The following ARHGEF26 variants were observed in gnomAD, a reference collection of about 807,000 sequenced individuals.
The protein encoded by ARHGEF26 is Rho guanine nucleotide exchange factor 26, also known as Rho guanine nucleotide exchange factor (GEF) 26.
Under a neutral mutation model 89.4 loss-of-function variants are expected in ARHGEF26, and 59 were observed. The observed-to-expected ratio is 0.66, with a 90% CI of 0.54 to 0.82. The LOEUF (loss-of-function observed/expected upper bound fraction) is 0.82. Among genes scored for constraint, ARHGEF26 ranks in the 40% least tolerant of loss-of-function variants. The pLI is 0.00. For missense variants in ARHGEF26, 1,234 were observed against 1,085.6 expected (o/e 1.14, Z -1.92); for synonymous variants, 500 against 428.4 (o/e 1.17, Z -2.06).
chr3:154,243,365 C>T (rs1268208680), intron 12 of ARHGEF26, among the ~76,000 whole-genome samples: 1 of 152,184 alleles, frequency 6.6e-6, no homozygotes, highest in Non-Finnish European at 1.5e-5. Context: ...GCCTTGCCAA[C>T]ATCTCAACAG....
chr3:154,204,015 A>G (rs936788005), intron 9 of ARHGEF26, among the ~76,000 whole-genome samples: 7 of 152,072 alleles, frequency 4.6e-5, no homozygotes, highest in African/African-American at 1.4e-4. Context: ...GCCTTGTAGA[A>G]TTAGTTTGGA....
chr3:154,155,503 CTGAAAAAG>C (rs1425730579), intron 6 of ARHGEF26, among the ~76,000 whole-genome samples: 1 of 151,816 alleles, frequency 6.6e-6, no homozygotes, highest in African/African-American at 2.4e-5. Flanking sequence ...GGCATCTTAT[CTGAAAAAG>C]TTAATACAAG....
chr3:154,122,171 T>C lies in ARHGEF26; in HGVS notation c.179T>C (p.Leu60Pro), dbSNP rs12497267. Residue 60 changes from leucine to proline, a missense_variant, in exon 2 of 15, where the codon CTC becomes CCC. Leu to Pro is a moderately conservative substitution (Grantham distance 98, BLOSUM62 -3). Coordinates refer to ENST00000465093, the MANE Select transcript of ARHGEF26 (RefSeq NM_015595.4). ...DFPVEDGGTLLAAQIPAQVPT... is the reference protein window; with the variant it reads ...DFPVEDGGTLPAAQIPAQVPT... ...CCGGTGGAGGACGGAGGGACGCTCC[T>C]CGCAGCGCAGATTCCCGCCCAGGTG... 0.88 allele frequency: 1,406,583 copies of C among 1,597,818 alleles called. 620,843 individuals are homozygous for C. Among genetic ancestry groups the C allele is most frequent in the East Asian group, 1 (43,783 of 43,808 alleles).
rs367608699 is a variant in ARHGEF26, at chr3:154,196,505, C to T, written c.1845+1787C>T. Among the ~76,000 whole-genome samples the T allele has an allele frequency of 1.1e-4, 16 of 152,208 alleles. 2 individuals are homozygous for T. Among genetic ancestry groups the T allele is most frequent in the Admixed American group, 2.0e-4 (3 of 15,294 alleles). ...ACTGTTTCTTTTAGTCAATTTACAT[C>T]GAGTCACCATTTTACTTACCCTCTT... On this transcript the variant is annotated intron_variant, in intron 9 of 14. Transcript: ENST00000465093.
Position 154,129,561 on chromosome 3 carries a change from T to C in ARHGEF26, c.1124-13T>C, listed in dbSNP as rs778232614. The stretch of plus-strand genomic sequence containing the variant: ...AGAACAATTAGTGACACATAGGCCT[T>C]GTTTTCTTGCAGAAAATGCTGTCCT... On this transcript the variant is annotated splice_polypyrimidine_tract_variant and intron_variant, in intron 3 of 14. Transcript: ENST00000465093. The C allele has an allele frequency of 3.7e-6, 6 of 1,609,370 alleles. No individual in the cohort carries two copies. The highest frequency in any genetic ancestry group is 5.1e-6 in the Non-Finnish European group (6 of 1,177,680).
In ARHGEF26 at chr3:154,240,540, C is replaced by T. The variant is rs376134635; in HGVS notation, c.2261C>T (p.Ala754Val). 1.1e-5 allele frequency: 18 copies of T among 1,612,446 alleles called. No homozygotes were observed. Among genetic ancestry groups the T allele is most frequent in the African/African-American group, 1.1e-4 (8 of 74,862 alleles). ...ACTCTGACAGTCCTTAGTAACCACG[C>T]GAATGAGAAAGTGGAGATGCTACTA... is the stretch of plus-strand genomic sequence containing the variant. ...LFTLTVLSNH[A>V]NEKVEMLLGA... is the part of the protein sequence containing the mutation. The change falls in exon 12 of 15, where the codon GCG (alanine) becomes GTG (valine). Residue 754 changes from alanine to valine, a missense_variant. Coordinates refer to ENST00000465093, the MANE Select transcript of ARHGEF26 (RefSeq NM_015595.4).
intron 13 of ARHGEF26, 131 bp downstream of exon 13, chr3:154,253,314 A>C: frequency 1.0e-6 from 1 of 985,852 alleles, no homozygotes; most frequent in Non-Finnish European, 1.5e-6. Flanking sequence ...CTTCTGCTTT[A>C]CACCAAAAAT....
chr3:154,172,862 T>G (rs953676622), intron 6 of ARHGEF26, among the ~76,000 whole-genome samples: 2 of 152,188 alleles, frequency 1.3e-5, no homozygotes, highest in African/African-American at 4.8e-5. Context: ...AATAATTAGC[T>G]TTATAAACAT....
chr3:154,213,175 T>G (rs1715485996), intron 9 of ARHGEF26, among the ~76,000 whole-genome samples: 1 of 151,476 alleles, frequency 6.6e-6, no homozygotes, highest in Non-Finnish European at 1.5e-5. Flanking sequence ...CTTTGTGTTT[T>G]AATTTACATT....
chr3:154,135,972 G>A (rs1301226718), intron 4 of ARHGEF26, among the ~76,000 whole-genome samples: 1 of 152,170 alleles, frequency 6.6e-6, no homozygotes, highest in Non-Finnish European at 1.5e-5. Flanking sequence ...ATATTTGCCA[G>A]CTGTGCCCTG....
intron 11 of ARHGEF26, among the ~76,000 whole-genome samples, chr3:154,231,838 T>A (rs1716844332): frequency 6.6e-6 from 1 of 152,012 alleles, no homozygotes; most frequent in Non-Finnish European, 1.5e-5. Flanking sequence ...GAGGAAAAAC[T>A]ATTGGTCAAT....
chr3:154,193,254 G>T (rs544890519), intron 8 of ARHGEF26, among the ~76,000 whole-genome samples: 1 of 152,114 alleles, frequency 6.6e-6, no homozygotes, highest in Non-Finnish European at 1.5e-5. Context: ...GCATATGTAC[G>T]TTGCTCATAA....
intron 4 of ARHGEF26, among the ~76,000 whole-genome samples, chr3:154,130,430 C>T (rs749404441): frequency 3.3e-5 from 5 of 152,044 alleles, no homozygotes; most frequent in Admixed American, 1.3e-4. Context: ...CATGAGCCAC[C>T]GCATCTAGCC....
chr3:154,251,481 CCT>C (rs1314734993), intron 12 of ARHGEF26, among the ~76,000 whole-genome samples: 1 of 152,112 alleles, frequency 6.6e-6, no homozygotes, highest in Non-Finnish European at 1.5e-5. Flanking sequence ...ATACTGAGCC[CCT>C]GTTACGTGTT....
At chr3:154,184,921 G>A (rs1713426182) in intron 6 of ARHGEF26, among the ~76,000 whole-genome samples, 1 of 152,084 alleles carries the variant, frequency 6.6e-6, no homozygotes, top group Non-Finnish European at 1.5e-5. Context: ...TGTTCCTCCT[G>A]GAGTGGAGTC....
rs1294067324 is a variant in ARHGEF26, at chr3:154,254,761, C to A, written c.2410C>A (p.Gln804Lys). The A allele has an allele frequency of 6.2e-7, 1 of 1,613,908 alleles. No homozygotes were observed. Among genetic ancestry groups the A allele is most frequent in the Non-Finnish European group, 8.5e-7 (1 of 1,179,848 alleles). ...AATCGTTAGGTCATTTACTGCTAAG[C>A]AGCCAGATGAACTCTCCCTGCAGGT... is the stretch of plus-strand genomic sequence containing the variant. The part of the protein sequence containing the change: ...VEIVRSFTAK[Q>K]PDELSLQVAD... Residue 804 changes from glutamine to lysine, a missense_variant, in exon 14 of 15, where the codon CAG (glutamine) becomes AAG (lysine). Gln to Lys is a moderately conservative substitution (Grantham distance 53). Transcript: ENST00000465093.
intron 12 of ARHGEF26, among the ~76,000 whole-genome samples, chr3:154,244,482 A>T (rs1717677345): frequency 6.6e-6 from 1 of 152,152 alleles, no homozygotes; most frequent in Non-Finnish European, 1.5e-5. Context: ...GGAGGACAGA[A>T]TTTTGAGCTG....
intron 7 of ARHGEF26, among the ~76,000 whole-genome samples, chr3:154,190,001 T>A (rs380740): frequency 0.49 from 74,791 of 151,866 alleles, 18,797 homozygotes; most frequent in Non-Finnish European, 0.55. Flanking sequence ...TTGAACAAGA[T>A]TATTTAATTT....
At chr3:154,168,660 C>T (rs1366533963) in intron 6 of ARHGEF26, among the ~76,000 whole-genome samples, 2 of 152,156 alleles carry the variant, frequency 1.3e-5, no homozygotes, top group South Asian at 4.1e-4. Flanking sequence ...GAAGCCCAGA[C>T]GCGTTGACTC....
Sources: gnomAD v4.1 joint callset for allele counts (sites outside exome capture counted in the v4.1 genomes callset) on GRCh38, gnomAD v4.1.1 for gene constraint, MANE v1.5 for transcripts, NCBI Gene and HGNC (gene_info 2026-07-23, HGNC 2026-07-21) for gene names.